The following ODF2L variants were observed in gnomAD, a reference collection of about 807,000 sequenced individuals.
The protein encoded by ODF2L is protein BCAP.
Under a neutral mutation model 86.3 loss-of-function variants are expected in ODF2L, and 76 were observed. The observed-to-expected ratio is 0.88, with a 90% CI of 0.73 to 1.07. The LOEUF (loss-of-function observed/expected upper bound fraction) is 1.07. Among genes scored for constraint, ODF2L ranks in the 50% least tolerant of loss-of-function variants. The pLI, the probability that ODF2L is intolerant of heterozygous loss-of-function variation, is 0.00. For missense variants in ODF2L, 748 were observed against 717.4 expected (o/e 1.04, Z -0.49); for synonymous variants, 241 against 231.3 (o/e 1.04, Z -0.38).
At chr1:86,368,525 T>C (rs1375973122) in intron 11 of ODF2L, 25 of 993,162 alleles carry the variant, frequency 2.5e-5, no homozygotes, top group Non-Finnish European at 2.9e-5. Flanking sequence ...ATTAAAACCA[T>C]AGATAACATT....
At chr1:86,380,492 T>C (rs1266980957) in intron 7 of ODF2L, among the ~76,000 whole-genome samples, 3 of 152,172 alleles carry the variant, frequency 2.0e-5, no homozygotes, top group East Asian at 1.9e-4. Flanking sequence ...GAATAGTTGC[T>C]TTCTTAGGTT....
chr1:86,348,855 A>AC, downstream of ODF2L: 3 of 1,556,810 alleles, frequency 1.9e-6, no homozygotes, highest in Non-Finnish European at 2.6e-6. Context: ...CTTCTTTCAA[A>AC]CACACTTCCT....
intron 8 of ODF2L, among the ~76,000 whole-genome samples, chr1:86,375,197 G>C (rs1295631747): frequency 6.6e-6 from 1 of 152,074 alleles, no homozygotes; most frequent in African/African-American, 2.4e-5. Flanking sequence ...TTGTGAGCCA[G>C]GGAAGAATAT....
intron 3 of ODF2L, 104 bp downstream of exon 3, chr1:86,385,350 TGAAA>T: frequency 1.6e-6 from 1 of 615,762 alleles, no homozygotes; most frequent in Non-Finnish European, 2.8e-6. Context: ...ATTTTTGGTA[TGAAA>T]TACTCATAAG....
At chr1:86,355,265 A>T in intron 14 of ODF2L, 1 of 874,592 alleles carries the variant, frequency 1.1e-6, no homozygotes, top group Non-Finnish European at 1.8e-6. Context: ...ATAATTGAGT[A>T]TCTGTGAAGT....
intron 8 of ODF2L, among the ~76,000 whole-genome samples, chr1:86,372,884 G>T (rs974230864): frequency 1.3e-5 from 2 of 152,110 alleles, no homozygotes; most frequent in African/African-American, 4.8e-5. Flanking sequence ...ACCAAATATC[G>T]TATGTTCTCA....
At chr1:86,378,553 C>G (rs112950052) in intron 7 of ODF2L, among the ~76,000 whole-genome samples, 2,978 of 152,236 alleles carry the variant, frequency 0.02, 98 homozygotes, top group African/African-American at 0.069. Flanking sequence ...TACAAAGGGA[C>G]AAGTTTTAAT....
intron 4 of ODF2L, among the ~76,000 whole-genome samples, 170 bp downstream of exon 4, chr1:86,384,506 G>A (rs1241638866): frequency 6.6e-6 from 1 of 151,808 alleles, no homozygotes; most frequent in Non-Finnish European, 1.5e-5. Flanking sequence ...AAAACGTGGT[G>A]TTCATATACA....
At chr1:86,356,410 G>C (rs752491252) in intron 14 of ODF2L, 34 bp downstream of exon 13, 2 of 1,546,932 alleles carry the variant, frequency 1.3e-6, no homozygotes, top group South Asian at 2.5e-5. Flanking sequence ...TTCTTTTAAC[G>C]CATCTAGCAA....
At chr1:86,376,238 C>A in exon 8 of ODF2L, 1 of 1,595,938 alleles carries the variant, frequency 6.3e-7, no homozygotes, top group Non-Finnish European at 8.6e-7. Context: ...CATACCTGAT[C>A]TCTAATTTGG....
At chr1:86,387,066 C>T (rs1661005279) in exon 2 of ODF2L, 5 of 921,160 alleles carry the variant, frequency 5.4e-6, no homozygotes, top group Middle Eastern at 2.2e-4. Flanking sequence ...TTCACAGCGA[C>T]TTCTCCACAT....
At chr1:86,387,067 T>C in exon 2 of ODF2L, 1 of 915,696 alleles carries the variant, frequency 1.1e-6, no homozygotes, top group Non-Finnish European at 1.7e-6. Context: ...TCACAGCGAC[T>C]TCTCCACATA....
At chr1:86,374,645 C>T (rs1045001614) in intron 8 of ODF2L, among the ~76,000 whole-genome samples, 2 of 152,184 alleles carry the variant, frequency 1.3e-5, no homozygotes, top group Non-Finnish European at 2.9e-5. Context: ...CCTTTCATCT[C>T]TCCTTATAAC....
At chr1:86,362,982 T>C (rs1659153515) in intron 11 of ODF2L, among the ~76,000 whole-genome samples, 1 of 152,080 alleles carries the variant, frequency 6.6e-6, no homozygotes, top group South Asian at 2.1e-4. Flanking sequence ...GAAACAACTC[T>C]ACTGCTAATA....
At chr1:86,391,296 T>TA (rs1451182693) in intron 1 of ODF2L, among the ~76,000 whole-genome samples, 1 of 152,094 alleles carries the variant, frequency 6.6e-6, no homozygotes, top group African/African-American at 2.4e-5. Context: ...GCAATTCGCA[T>TA]AAAAATACCA....
intron 1 of ODF2L, among the ~76,000 whole-genome samples, chr1:86,391,199 C>G (rs1257482874): frequency 6.6e-6 from 1 of 152,110 alleles, no homozygotes; most frequent in Non-Finnish European, 1.5e-5. Context: ...ATAACACAAA[C>G]AAATGGAACA....
chr1:86,348,576 C>T, downstream of ODF2L: 1 of 458,302 alleles, frequency 2.2e-6, no homozygotes. Flanking sequence ...AACAACTATC[C>T]TATTTTAAAG....
intron 1 of ODF2L, among the ~76,000 whole-genome samples, chr1:86,395,042 A>G (rs1661628533): frequency 6.6e-6 from 1 of 151,818 alleles, no homozygotes; most frequent in Non-Finnish European, 1.5e-5. Context: ...ACGGGGTTTC[A>G]CCGTGTTGGC....
At chr1:86,368,787 T>A in intron 10 of ODF2L, 1 of 1,265,440 alleles carries the variant, frequency 7.9e-7, no homozygotes, top group Admixed American at 3.5e-5. Flanking sequence ...TATTATTAAA[T>A]GTTAAAAACA....
Sources: allele counts gnomAD v4.1 joint callset (sites outside exome capture counted in the v4.1 genomes callset), GRCh38; gene constraint gnomAD v4.1.1; transcripts MANE v1.5; gene names NCBI Gene and HGNC (gene_info 2026-07-23, HGNC 2026-07-21).